The following CDH11 variants were observed in gnomAD, a reference collection of about 807,000 sequenced individuals.
CDH11 encodes the protein cadherin-11.
In CDH11, 11 loss-of-function variants were observed where a neutral mutation model predicts 67.8. The observed-to-expected ratio is 0.16, with a 90% CI of 0.10 to 0.27. CDH11 has a LOEUF of 0.27. Ranked by LOEUF, CDH11 falls within the 10% of genes least tolerant of loss-of-function variation. The probability of loss-of-function intolerance (pLI) is 1.00; values close to 1 mark genes in which losing one functional copy is unlikely to be tolerated. For synonymous variants in CDH11, 419 were observed against 400.0 expected (o/e 1.05, Z -0.57); for missense variants, 847 against 1,031.2 (o/e 0.82, Z 2.45).
intron 1 of CDH11, among the ~76,000 whole-genome samples, chr16:65,113,046 G>A (rs888459198): frequency 7.2e-5 from 11 of 152,184 alleles, no homozygotes; most frequent in African/African-American, 2.4e-4. Flanking sequence ...CCAGCACTTT[G>A]GGAAGCTGAG....
intron 11 of CDH11, among the ~76,000 whole-genome samples, chr16:64,952,413 T>C (rs915628929): frequency 6.6e-6 from 1 of 152,180 alleles, no homozygotes; most frequent in African/African-American, 2.4e-5. Flanking sequence ...AGACATTCAA[T>C]AAATATTTGT....
intron 2 of CDH11, among the ~76,000 whole-genome samples, chr16:65,015,869 G>A (rs2073295694): frequency 6.6e-6 from 1 of 152,122 alleles, no homozygotes; most frequent in African/African-American, 2.4e-5. Context: ...CTAAAGCCAG[G>A]GAAGAGTGCC....
intron 2 of CDH11, among the ~76,000 whole-genome samples, chr16:65,007,765 C>T (rs1437633085): frequency 1.3e-5 from 2 of 152,158 alleles, no homozygotes; most frequent in Non-Finnish European, 2.9e-5. Flanking sequence ...GGCATTTCTT[C>T]TGATTCATAC....
intron 2 of CDH11, among the ~76,000 whole-genome samples, chr16:65,034,711 C>T (rs1297030798): frequency 6.6e-6 from 1 of 152,190 alleles, no homozygotes; most frequent in Non-Finnish European, 1.5e-5. Flanking sequence ...TAGAGCCCCG[C>T]ACCCTAAAGC....
At position 65,120,940 on chromosome 16, in the gene CDH11, T is replaced by C. The variant is rs182549176; in HGVS notation, c.-298+940A>G. 5.6e-3 allele frequency among the ~76,000 whole-genome samples: 852 copies of C among 152,132 alleles called. 10 individuals are homozygous for C. Among genetic ancestry groups the C allele is most frequent in the African/African-American group, 0.019 (806 of 41,502 alleles). The stretch of plus-strand genomic sequence containing the variant: ...GGGGAGAAGGGAGCTCTCCTCGCCG[T>C]CCTCCCCATCTGGCCAGCTTCTCAG... On this transcript the variant is annotated intron_variant, in intron 1 of 12. Coordinates refer to ENST00000268603, the MANE Select transcript of CDH11 (RefSeq NM_001797.4).
At chr16:65,118,611 G>A (rs2075280459) in intron 1 of CDH11, among the ~76,000 whole-genome samples, 4 of 152,048 alleles carry the variant, frequency 2.6e-5, no homozygotes, top group Admixed American at 6.5e-5. Flanking sequence ...ATTCCATAAG[G>A]GAGAAAATCA....
intron 3 of CDH11, among the ~76,000 whole-genome samples, chr16:65,001,814 A>AC (rs2072926961): frequency 6.6e-6 from 1 of 151,652 alleles, no homozygotes. Context: ...AAAAAAAACA[A>AC]AAACCCAGTT....
At chr16:64,968,333 C>T in intron 11 of CDH11, 1 of 664,774 alleles carries the variant, frequency 1.5e-6, no homozygotes, top group Non-Finnish European at 1.9e-6. Flanking sequence ...GAGATATTAT[C>T]TCAGTCTTTT....
rs1264442294 is a variant in CDH11 at position 65,014,721 on chromosome 16, G to A, written c.-172-9680C>T. 3.6e-5 allele frequency among the ~76,000 whole-genome samples: 5 copies of A among 139,854 alleles called. No homozygotes were observed. The East Asian group carries it at 8.2e-4, about 23-fold the overall frequency. The allele number at this position is 139,854 out of a possible 152,430, so 91.7% of individuals were successfully genotyped here. ...GGGCCATTCTTGAAACGACGCAGAT[G>A]TAGACGGTTTTAGGAACTGAAAAGA... On this transcript the variant is annotated intron_variant, in intron 2 of 12. Coordinates refer to ENST00000268603, the MANE Select transcript of CDH11 (RefSeq NM_001797.4).
intron 11 of CDH11, among the ~76,000 whole-genome samples, chr16:64,954,061 G>C (rs1227997949): frequency 6.6e-6 from 1 of 152,214 alleles, no homozygotes; most frequent in East Asian, 1.9e-4. Flanking sequence ...TTGGGTTATG[G>C]AGGAAGGTAA....
intron 1 of CDH11, among the ~76,000 whole-genome samples, chr16:65,104,245 G>A (rs1320354551): frequency 6.6e-6 from 1 of 152,158 alleles, no homozygotes; most frequent in East Asian, 1.9e-4. Flanking sequence ...TTATACCCAG[G>A]TGAAAGTTAG....
At chr16:65,076,228 T>C (rs1372262112) in intron 1 of CDH11, among the ~76,000 whole-genome samples, 2 of 152,224 alleles carry the variant, frequency 1.3e-5, no homozygotes. Flanking sequence ...TAGTCAATTT[T>C]CTTTGATTTA....
chr16:64,948,508 A>G (rs1411016115), intron 12 of CDH11: 8 of 983,592 alleles, frequency 8.1e-6, no homozygotes, highest in Non-Finnish European at 1.3e-5. Flanking sequence ...GAGGACATGC[A>G]GAGCCCTTAG....
chr16:65,052,344 T>C (rs1270828749), intron 2 of CDH11, among the ~76,000 whole-genome samples: 2 of 152,202 alleles, frequency 1.3e-5, no homozygotes, highest in Non-Finnish European at 2.9e-5. Flanking sequence ...GTAAATGGTG[T>C]AATCCCTGGC....
chr16:65,090,356 T>G (rs1408314592), intron 1 of CDH11, among the ~76,000 whole-genome samples: 1 of 152,176 alleles, frequency 6.6e-6, no homozygotes, highest in African/African-American at 2.4e-5. Flanking sequence ...TTATGCTGGA[T>G]ACTTCATTCT....
At position 64,950,759 on chromosome 16, in the gene CDH11, G is replaced by A. The variant is rs1232494502; in HGVS notation, c.1894+8C>T. 1 of 1,611,204 alleles carries A rather than the reference G, an allele frequency of 6.2e-7. No homozygotes were observed. Among genetic ancestry groups the A allele is most frequent in the Non-Finnish European group, 8.5e-7 (1 of 1,177,864 alleles). ...CCCTTCCTGCAGGGGACCAGGAAGC[G>A]CCCTTACCCAGGAGAATGACGATGC... On this transcript the variant is annotated splice_region_variant and intron_variant, in intron 12 of 12. Transcript: ENST00000268603.
At chr16:64,957,632 A>ACACACACACC (rs746486163) in intron 11 of CDH11, among the ~76,000 whole-genome samples, 1 of 134,640 alleles carries the variant, frequency 7.4e-6, no homozygotes, top group African/African-American at 2.7e-5. Context: ...ACACACACAC[A>ACACACACACC]CCCATCCATA....
rs770426537 is a variant in CDH11, at chr16:64,992,934, A to G, written c.624T>C (p.Phe208=). 6.2e-7 allele frequency: 1 copy of G among 1,613,624 alleles called. No homozygotes were observed. The highest frequency in any genetic ancestry group is 1.1e-5 in the South Asian group (1 of 91,060). ...CAGTACCTGTCTGTGCTTCCACCGAAAAATAGGGTTGTCCTTCGAGGATAC... is the reference window on the plus strand; with the variant it reads ...CAGTACCTGTCTGTGCTTCCACCGAGAAATAGGGTTGTCCTTCGAGGATAC... ...VYSILEGQPY[F]SVEAQTGIIR... Residue 208 remains phenylalanine, a synonymous_variant, in exon 5 of 13, where the codon TTT becomes TTC. Transcript: ENST00000268603.
chr16:64,949,434 T>C (rs2071292794), intron 12 of CDH11, among the ~76,000 whole-genome samples: 1 of 149,042 alleles, frequency 6.7e-6, no homozygotes, highest in Non-Finnish European at 1.5e-5. Flanking sequence ...TCTTTTTTTT[T>C]TTTTTTTTTG....
Sources: gnomAD v4.1 joint callset for allele counts (sites outside exome capture counted in the v4.1 genomes callset) on GRCh38, gnomAD v4.1.1 for gene constraint, MANE v1.5 for transcripts, NCBI Gene and HGNC (gene_info 2026-07-23, HGNC 2026-07-21) for gene names.